The following BCO1 variants were observed in gnomAD, a reference collection of about 807,000 sequenced individuals.
BCO1 encodes beta,beta-carotene 15,15'-dioxygenase.
Under a neutral mutation model 56.3 loss-of-function variants are expected in BCO1, and 54 were observed. The observed-to-expected ratio is 0.96, with a 90% CI of 0.77 to 1.20. The LOEUF is 1.20. BCO1 is among the 50% of genes most tolerant of loss of function. The pLI, the probability that BCO1 is intolerant of heterozygous loss-of-function variation, is 0.00. For missense variants in BCO1, 801 were observed against 690.9 expected (o/e 1.16, Z -1.79); for synonymous variants, 318 against 266.1 (o/e 1.20, Z -1.90).
chr16:81,285,700 C>A, intron 9 of BCO1, 66 bp downstream of exon 9: 1 of 1,233,088 alleles, frequency 8.1e-7, no homozygotes, highest in Non-Finnish European at 1.2e-6. Flanking sequence ...AAGCTGAATT[C>A]TAAGGTTCTG....
In BCO1 at chr16:81,245,559, G is replaced by T. The variant is rs771181325; in HGVS notation, c.149G>T (p.Trp50Leu). 5 of 1,614,224 alleles carry T rather than the reference G, an allele frequency of 3.1e-6. No individual in the cohort carries two copies. Among genetic ancestry groups the T allele is most frequent in the Non-Finnish European group, 4.2e-6 (5 of 1,180,042 alleles). Residue 50 changes from tryptophan to leucine, a missense_variant, in exon 2 of 11, where the codon TGG (tryptophan) becomes TTG (leucine). By Grantham distance (61) the Trp-to-Leu change is moderately conservative. Transcript: ENST00000258168. ...GTTGGGGAGTCCAGATACAACCATT[G>T]GTTCGACGGCCTTGCCCTGCTCCAC... ...HTVGESRYNH[W>L]FDGLALLHSF... is the part of the protein sequence containing the mutation.
chr16:81,246,850 C>CAAAAAAAAAAAAAAAAAAAAAA (rs71710906), intron 2 of BCO1, among the ~76,000 whole-genome samples: 8 of 83,338 alleles, frequency 9.6e-5, no homozygotes, highest in Non-Finnish European at 1.2e-4. Context: ...GACTTTGTCT[C>CAAAAAAAAAAAAAAAAAAAAAA]AAAAAAAAAA....
chr16:81,270,972 C>T (rs1231892532), intron 7 of BCO1, among the ~76,000 whole-genome samples: 2 of 152,008 alleles, frequency 1.3e-5, no homozygotes, highest in East Asian at 3.8e-4. Flanking sequence ...TCTGGATCTC[C>T]CGACCTCGTG....
intron 10 of BCO1, among the ~76,000 whole-genome samples, chr16:81,288,037 G>C (rs1342494891): frequency 6.6e-6 from 1 of 152,128 alleles, no homozygotes; most frequent in African/African-American, 2.4e-5. Flanking sequence ...AGGGTAGACT[G>C]CCTGATGTGG....
At chr16:81,259,625 A>C in intron 2 of BCO1, 51 bp from the exon 3 acceptor site, 2 of 1,613,450 alleles carry the variant, frequency 1.2e-6, no homozygotes, top group Non-Finnish European at 1.7e-6. Flanking sequence ...CATTGATTTT[A>C]AAGCCCTGTG....
At position 81,264,700 on chromosome 16, in the gene BCO1, G is replaced by C. The variant is rs536329686; in HGVS notation, c.532G>C (p.Ala178Pro). The C allele has an allele frequency of 1.7e-4, 272 of 1,614,146 alleles. 7 individuals are homozygous for C. The South Asian group carries it at 2.9e-3, about 17-fold the overall frequency. Reference sequence around the variant, plus strand: ...AACGTCACATCCCCATTATGATGAGGCTGGAAATGTTCTAAACATGGGCAC... The same window carrying C: ...AACGTCACATCCCCATTATGATGAGCCTGGAAATGTTCTAAACATGGGCAC... ...LATSHPHYDE[A>P]GNVLNMGTSI... The change falls in exon 5 of 11, where the codon GCT (alanine) becomes CCT (proline). Residue 178 changes from alanine (A) to proline (P), a missense_variant. Physicochemically the swap from Ala to Pro is conservative, Grantham distance 27. Transcript: ENST00000258168.
At position 81,287,418 on chromosome 16, in the gene BCO1, A is replaced by G; in HGVS notation, c.1414+12A>G. 9 of 1,605,990 alleles carry G rather than the reference A, an allele frequency of 5.6e-6. No individual in the cohort carries two copies. The highest frequency in any genetic ancestry group is 6.8e-6 in the Non-Finnish European group (8 of 1,173,138). ...GGATGAGGATGACGGTAAGACTCTAAGAAGCCACGCCTAGTTGCTGCACGT... is the reference window on the plus strand; with the variant it reads ...GGATGAGGATGACGGTAAGACTCTAGGAAGCCACGCCTAGTTGCTGCACGT... On this transcript the variant is annotated intron_variant, in intron 10 of 10. Coordinates refer to ENST00000258168, the MANE Select transcript of BCO1 (RefSeq NM_017429.3).
At chr16:81,244,641 C>G (rs1905288696) in intron 1 of BCO1, among the ~76,000 whole-genome samples, 1 of 152,082 alleles carries the variant, frequency 6.6e-6, no homozygotes, top group Non-Finnish European at 1.5e-5. Context: ...TGACCACACC[C>G]TCCTGCTCTC....
chr16:81,268,197 G>A (rs761736027), intron 6 of BCO1, 66 bp downstream of exon 6: 12 of 1,462,890 alleles, frequency 8.2e-6, no homozygotes, highest in African/African-American at 1.4e-5. Context: ...TGGTGTGCAG[G>A]AGGGTGAAGT....
chr16:81,238,810 G>A lies in BCO1; in HGVS notation c.-99G>A. On this transcript the variant is annotated 5_prime_UTR_variant, in exon 1 of 11. Transcript: ENST00000258168. Reference sequence around the variant, plus strand: ...GATGTGAAGGAGGGAAGGAGCAGGAGAGCAGGAAGGAAACGCAGGAGGAGG... The same window carrying A: ...GATGTGAAGGAGGGAAGGAGCAGGAAAGCAGGAAGGAAACGCAGGAGGAGG... 3 of 1,018,580 alleles carry A rather than the reference G, an allele frequency of 2.9e-6. No homozygotes were observed. Among genetic ancestry groups the A allele is most frequent in the Non-Finnish European group, 1.6e-6 (1 of 640,840 alleles). 63.1% of individuals were successfully genotyped at this position (1,018,580 alleles called of 1,614,324 possible).
chr16:81,274,633 C>T lies in BCO1; in HGVS notation c.1101+4217C>T, dbSNP rs563764678. Among the ~76,000 whole-genome samples the T allele has an allele frequency of 4.6e-5, 7 of 152,286 alleles. No individual in the cohort carries two copies. In the South Asian group the frequency reaches 1.2e-3, roughly 27 times the overall value. ...GTGGCTCACGCCTGTAATCCCAACA[C>T]TTTAGGAGGCCCAGGCAGGTGATCA... On this transcript the variant is annotated intron_variant, in intron 7 of 10. Coordinates refer to ENST00000258168, the MANE Select transcript of BCO1 (RefSeq NM_017429.3).
At chr16:81,270,029 A>C in intron 6 of BCO1, 130 bp from the exon 7 acceptor site, 1 of 1,193,580 alleles carries the variant, frequency 8.4e-7, no homozygotes. Flanking sequence ...TGGAGCACAC[A>C]CAGAATGCAG....
intron 8 of BCO1, among the ~76,000 whole-genome samples, chr16:81,285,279 A>G (rs1908112004): frequency 6.6e-6 from 1 of 152,222 alleles, no homozygotes. Context: ...TATGTTGGAT[A>G]ATTAAAGATG....
At position 81,272,978 on chromosome 16, in the gene BCO1, C is replaced by CT. The variant is rs145986060; in HGVS notation, c.1101+2567dup. Among the ~76,000 whole-genome samples, 1,185 of 150,982 alleles carry CT rather than the reference C, an allele frequency of 7.8e-3. 19 individuals carry two copies. Among genetic ancestry groups the CT allele is most frequent in the African/African-American group, 0.027 (1,130 of 41,132 alleles). ...GTCTCTAAACCCCCATTTTTTTTTT[C>CT]TTTTTGTGGGGGATGGAGTCTTGTT... On this transcript the variant is annotated intron_variant, in intron 7 of 10. Coordinates refer to ENST00000258168, the MANE Select transcript of BCO1 (RefSeq NM_017429.3).
chr16:81,249,320 G>A (rs556410822), intron 2 of BCO1, among the ~76,000 whole-genome samples: 1 of 151,934 alleles, frequency 6.6e-6, no homozygotes, highest in African/African-American at 2.4e-5. Context: ...GCAGTGGCAC[G>A]ATCTCGGCTC....
At chr16:81,271,480 C>G (rs560437675) in intron 7 of BCO1, among the ~76,000 whole-genome samples, 3 of 152,126 alleles carry the variant, frequency 2.0e-5, no homozygotes, top group African/African-American at 7.2e-5. Context: ...TCCACCACCA[C>G]GATAAATTTT....
At chr16:81,276,087 G>A (rs900837002) in intron 7 of BCO1, among the ~76,000 whole-genome samples, 4 of 152,252 alleles carry the variant, frequency 2.6e-5, no homozygotes, top group Admixed American at 6.5e-5. Context: ...GACTGGATCA[G>A]TGGGTTTGGT....
intron 7 of BCO1, among the ~76,000 whole-genome samples, chr16:81,271,155 C>G (rs943688786): frequency 6.6e-6 from 1 of 151,748 alleles, no homozygotes; most frequent in Admixed American, 6.6e-5. Context: ...TGCTCTGTCA[C>G]CCAGGCTGGA....
Position 81,270,172 on chromosome 16 carries a change from T to C in BCO1, c.857T>C (p.Ile286Thr). ...FHREEKTYIHIIDQRTRQPVQ... is the reference protein window; with the variant it reads ...FHREEKTYIHTIDQRTRQPVQ... ...GTCCTTTTTCAGACTTATATCCACA[T>C]CATCGACCAAAGGACCAGGCAGCCT... Residue 286 changes from isoleucine to threonine, a missense_variant, in exon 7 of 11, where the codon ATC (isoleucine) becomes ACC (threonine). Coordinates refer to ENST00000258168, the MANE Select transcript of BCO1 (RefSeq NM_017429.3). 1.9e-6 allele frequency: 3 copies of C among 1,614,146 alleles called. No individual in the cohort carries two copies. Among genetic ancestry groups the C allele is most frequent in the Non-Finnish European group, 2.5e-6 (3 of 1,180,030 alleles).
Sources: allele counts gnomAD v4.1 joint callset (sites outside exome capture counted in the v4.1 genomes callset), GRCh38; gene constraint gnomAD v4.1.1; transcripts MANE v1.5; gene names NCBI Gene and HGNC (gene_info 2026-07-23, HGNC 2026-07-21).